ARMH4: variants seen among roughly 807,000 people sequenced by gnomAD.
ARMH4 encodes the protein armadillo-like helical domain-containing protein 4.
A neutral mutation model predicts 61.9 loss-of-function variants in ARMH4; 49 were observed. That is an observed-to-expected ratio of 0.79 (90% CI 0.63 to 1.00). ARMH4 has a LOEUF of 1.00. Among genes scored for constraint, ARMH4 ranks in the 50% least tolerant of loss-of-function variants. The pLI is 0.00. For missense variants in ARMH4, 934 were observed against 930.0 expected (o/e 1.00, Z -0.06); for synonymous variants, 368 against 341.5 (o/e 1.08, Z -0.85).
At chr14:58,036,691 A>G (rs955154444) in intron 5 of ARMH4, among the ~76,000 whole-genome samples, 1 of 125,258 alleles carries the variant, frequency 8.0e-6, no homozygotes, top group East Asian at 2.3e-4. Context: ...CTGATAAGCA[A>G]CTTCAGCAAA....
intron 4 of ARMH4, among the ~76,000 whole-genome samples, chr14:58,103,454 T>C (rs1268460421): frequency 1.3e-5 from 2 of 152,144 alleles, no homozygotes; most frequent in African/African-American, 4.8e-5. Context: ...ACCTTGGTCT[T>C]GGACCCCTCA....
chr14:58,081,037 G>A (rs1229312041), intron 5 of ARMH4, among the ~76,000 whole-genome samples: 4 of 152,082 alleles, frequency 2.6e-5, no homozygotes, highest in Non-Finnish European at 5.9e-5. Context: ...GAGAGGCAGA[G>A]GTGGCAGTGA....
chr14:58,062,433 C>T (rs2141215681), intron 5 of ARMH4, among the ~76,000 whole-genome samples: 1 of 152,186 alleles, frequency 6.6e-6, no homozygotes, highest in East Asian at 1.9e-4. Context: ...CAATGTCTTC[C>T]CAGGAAAGGC....
At chr14:58,122,882 C>G (rs1418016366) in intron 4 of ARMH4, among the ~76,000 whole-genome samples, 1 of 152,158 alleles carries the variant, frequency 6.6e-6, no homozygotes. Context: ...CCAGATGATC[C>G]AGCAGCAGGA....
chr14:58,019,471 C>T (rs1192274853), intron 5 of ARMH4, among the ~76,000 whole-genome samples: 1 of 152,092 alleles, frequency 6.6e-6, no homozygotes, highest in Non-Finnish European at 1.5e-5. Context: ...CTCTCATGCT[C>T]GCCAGCACCC....
chr14:58,068,893 GC>G (rs1884790388), intron 5 of ARMH4, among the ~76,000 whole-genome samples: 1 of 151,758 alleles, frequency 6.6e-6, no homozygotes, highest in African/African-American at 2.4e-5. Context: ...TGTAATCCCA[GC>G]TACTTGGGAA....
chr14:58,108,939 T>C (rs1886257196), intron 4 of ARMH4, among the ~76,000 whole-genome samples: 1 of 152,200 alleles, frequency 6.6e-6, no homozygotes, highest in Non-Finnish European at 1.5e-5. Context: ...ACTAATGAGG[T>C]TGTGTATCCA....
chr14:58,031,801 T>C (rs1192464956), intron 5 of ARMH4, among the ~76,000 whole-genome samples: 2 of 152,268 alleles, frequency 1.3e-5, no homozygotes, highest in South Asian at 4.1e-4. Flanking sequence ...CTCTCTGCCA[T>C]TGTTTCCTAT....
At chr14:58,080,590 GGA>G (rs1232997971) in intron 5 of ARMH4, among the ~76,000 whole-genome samples, 4 of 152,146 alleles carry the variant, frequency 2.6e-5, no homozygotes, top group African/African-American at 9.7e-5. Flanking sequence ...CTACTAGAAG[GGA>G]GAGAGAGGGA....
rs911398471 is a variant in ARMH4, at chr14:58,001,564, T to C, written c.*3172A>G. 6.6e-6 allele frequency: 1 copy of C among 152,048 alleles called. No homozygotes were observed. The highest frequency in any genetic ancestry group is 2.4e-5 in the African/African-American group (1 of 41,398). The allele number at this position is 152,048 out of a possible 1,614,324, so 9.4% of individuals were successfully genotyped here. ...AATTTCTCCACATCCTCAGAAACAA[T>C]TGTTATATTTTGTTTTATTGAATAA... is the stretch of plus-strand genomic sequence containing the variant. On this transcript the variant is annotated 3_prime_UTR_variant, in exon 8 of 8. Coordinates refer to ENST00000267485, the MANE Select transcript of ARMH4 (RefSeq NM_001001872.4).
At chr14:58,018,711 T>C (rs188712529) in intron 5 of ARMH4, among the ~76,000 whole-genome samples, 159 of 152,330 alleles carry the variant, frequency 1.0e-3, no homozygotes, top group African/African-American at 3.3e-3. Context: ...GAAAACAGTA[T>C]GGAGTTTCCT....
chr14:58,054,296 C>T (rs752193346), intron 5 of ARMH4, among the ~76,000 whole-genome samples: 3 of 152,296 alleles, frequency 2.0e-5, no homozygotes, highest in Non-Finnish European at 4.4e-5. Context: ...AGACTGGTAA[C>T]ACACAGATTC....
intron 5 of ARMH4, among the ~76,000 whole-genome samples, chr14:58,066,454 T>C (rs537705634): frequency 1.3e-5 from 2 of 152,254 alleles, no homozygotes; most frequent in African/African-American, 4.8e-5. Context: ...GGTTTTCTTT[T>C]GGGGTGATGA....
At chr14:58,080,936 T>A (rs756558626) in intron 5 of ARMH4, among the ~76,000 whole-genome samples, 7 of 151,916 alleles carry the variant, frequency 4.6e-5, no homozygotes, top group Admixed American at 6.6e-5. Context: ...ACCCCATTTC[T>A]ACTAAAAACA....
chr14:58,049,195 CA>C (rs1884049009), intron 5 of ARMH4, among the ~76,000 whole-genome samples: 1 of 148,510 alleles, frequency 6.7e-6, no homozygotes, highest in African/African-American at 2.5e-5. Flanking sequence ...GCCGAGATGG[CA>C]CCACTGCACT....
At chr14:58,008,727 G>C (rs57096329) in intron 6 of ARMH4, among the ~76,000 whole-genome samples, 2 of 152,180 alleles carry the variant, frequency 1.3e-5, no homozygotes, top group Non-Finnish European at 2.9e-5. Flanking sequence ...TGGGAGGTAT[G>C]TCTATGGTGG....
intron 5 of ARMH4, among the ~76,000 whole-genome samples, chr14:58,087,592 G>A (rs1396515744): frequency 6.6e-6 from 1 of 152,168 alleles, no homozygotes; most frequent in Non-Finnish European, 1.5e-5. Context: ...GCTGACCTGG[G>A]CAAAGTGAAC....
chr14:58,078,963 G>A (rs1455039944), intron 5 of ARMH4, among the ~76,000 whole-genome samples: 1 of 152,172 alleles, frequency 6.6e-6, no homozygotes, highest in Admixed American at 6.5e-5. Context: ...GTCTTTCTTC[G>A]AAAGGCTCAT....
chr14:58,128,234 A>G (rs890332794), intron 4 of ARMH4, among the ~76,000 whole-genome samples: 2 of 152,250 alleles, frequency 1.3e-5, no homozygotes, highest in South Asian at 2.1e-4. Flanking sequence ...AATTCCAGGT[A>G]TGTTTTCAAG....
Sources: gnomAD v4.1 joint callset for allele counts (sites outside exome capture counted in the v4.1 genomes callset) on GRCh38, gnomAD v4.1.1 for gene constraint, MANE v1.5 for transcripts, NCBI Gene and HGNC (gene_info 2026-07-23, HGNC 2026-07-21) for gene names.